Variants in ZNF285 observed in about 807,000 individuals in gnomAD.
The protein encoded by ZNF285 is zinc finger protein 285.
Under a neutral mutation model 6.2 loss-of-function variants are expected in ZNF285, and 4 were observed. That is an observed-to-expected ratio of 0.65 (90% CI 0.32 to 1.49). The LOEUF is 1.49. Ranked by LOEUF, ZNF285 falls within the 40% of genes most tolerant of loss-of-function variation. ZNF285 has a pLI of 0.07. For synonymous variants in ZNF285, 240 were observed against 245.8 expected (o/e 0.98, Z 0.22); for missense variants, 695 against 708.8 (o/e 0.98, Z 0.22).
At position 44,387,125 on chromosome 19, in the gene ZNF285, A is replaced by T. The variant is rs145353994; in HGVS notation, c.1120T>A (p.Cys374Ser). 45 of 1,613,902 alleles carry T rather than the reference A, an allele frequency of 2.8e-5. No individual in the cohort carries two copies. Among genetic ancestry groups the T allele is most frequent in the African/African-American group, 1.3e-4 (10 of 74,864 alleles). ...TCAAAGCCCTTCCCACACTCTTCAC[A>T]TTTATAGGGCTTTTTCCCTGTGTGT... ...GVHTGKKPYK[C>S]EECGKGFDQS... The change falls in exon 4 of 4, where the codon TGT becomes AGT. Residue 374 changes from cysteine to serine, a missense_variant. By Grantham distance (112) the Cys-to-Ser change is moderately radical. Transcript: ENST00000614994.
chr19:44,392,270 G>A, intron 3 of ZNF285, 70 bp downstream of exon 3: 1 of 1,601,110 alleles, frequency 6.2e-7, no homozygotes, highest in South Asian at 1.1e-5. Context: ...GGTCTAACTG[G>A]AATATTCTAT....
intron 2 of ZNF285, chr19:44,392,754 G>A (rs1971219312): frequency 3.7e-6 from 2 of 542,594 alleles, no homozygotes; most frequent in Non-Finnish European, 6.7e-6. Context: ...TAATCCTATT[G>A]GATCAGGGAT....
intron 3 of ZNF285, among the ~76,000 whole-genome samples, chr19:44,391,906 C>G (rs1012704451): frequency 6.6e-6 from 1 of 152,134 alleles, no homozygotes; most frequent in Non-Finnish European, 1.5e-5. Context: ...TAACTGCCAA[C>G]CAAACCAAAG....
intron 2 of ZNF285, chr19:44,396,895 A>G (rs1599969836): frequency 2.6e-6 from 1 of 377,988 alleles, no homozygotes; most frequent in South Asian, 4.7e-5. Context: ...AATTTCTGTA[A>G]GTTTCTGAAC....
intron 1 of ZNF285, 63 bp from the exon 2 acceptor site, chr19:44,397,319 C>T (rs1276007055): frequency 7.1e-6 from 11 of 1,552,384 alleles, no homozygotes; most frequent in Admixed American, 3.4e-5. Context: ...ACATTGGTTC[C>T]TTCCTTATCT....
chr19:44,387,606 CAA>C lies in ZNF285; in HGVS notation c.637_638del (p.Leu213GlyfsTer7). ...GTTTTTCAACCGTTGATTTCATACC[CAA>C]GTTTTTCCCACAGCTGGGATGTCTA... ...PGRHPSCGKN[L>X]GMKSTVEKRN... On this transcript the variant is annotated frameshift_variant, in exon 4 of 4. Transcript: ENST00000614994. LOFTEE classifies it low-confidence loss of function (END_TRUNC). The C allele has an allele frequency of 6.2e-7, 1 of 1,613,848 alleles. No individual in the cohort carries two copies. Among genetic ancestry groups the C allele is most frequent in the Non-Finnish European group, 8.5e-7 (1 of 1,179,850 alleles).
Position 44,386,541 on chromosome 19 carries a change from G to A in ZNF285, c.1704C>T (p.Tyr568=), listed in dbSNP as rs1971074844. The part of the protein sequence containing the change: ...HQRVHIDETQ[Y]THCERGKDLL... ...GGTCCTTTCCACGCTCACAGTGTGT[G>A]TACTGTGTCTCATCTATATGCACTC... Residue 568 remains tyrosine (Y), a synonymous_variant, in exon 4 of 4, where the codon TAC becomes TAT. Coordinates refer to ENST00000614994, the MANE Select transcript of ZNF285 (RefSeq NM_152354.6). The A allele has an allele frequency of 1.9e-6, 3 of 1,614,054 alleles. No individual in the cohort carries two copies. The highest frequency in any genetic ancestry group is 1.6e-4 in the Middle Eastern group (1 of 6,062).
chr19:44,396,748 A>C (rs1971286230), intron 2 of ZNF285: 3 of 161,020 alleles, frequency 1.9e-5, no homozygotes, highest in Admixed American at 1.8e-4. Context: ...TATATCTCTT[A>C]CTGGTTCTGC....
Position 44,386,834 on chromosome 19 carries a change from GA to G in ZNF285, c.1410del (p.Leu471PhefsTer93). 6.2e-7 allele frequency: 1 copy of G among 1,614,224 alleles called. No homozygotes were observed. The highest frequency in any genetic ancestry group is 2.2e-5 in the East Asian group (1 of 44,886). ...VCGKDFAYSS[V>X]LHTHQRVHTG... is the part of the protein sequence containing the mutation. Reference sequence around the variant, plus strand: ...GTGTGAACTCTCTGATGAGTGTGAAGAACAGAGCTATACGCAAAATCCTTTC... The same window carrying G: ...GTGTGAACTCTCTGATGAGTGTGAAGACAGAGCTATACGCAAAATCCTTTC... On this transcript the variant is annotated frameshift_variant, in exon 4 of 4. Transcript: ENST00000614994. LOFTEE classifies it low-confidence loss of function (END_TRUNC).
chr19:44,399,633 T>G (rs183118769), intron 1 of ZNF285, among the ~76,000 whole-genome samples: 1 of 152,052 alleles, frequency 6.6e-6, no homozygotes. Flanking sequence ...TCCACACACA[T>G]GCACTCACAC....
In ZNF285 at chr19:44,387,835, G is replaced by A. The variant is rs751036226; in HGVS notation, c.410C>T (p.Ala137Val). ...NAIIKNQDITAWQSLTQVLTP... is the reference protein window; with the variant it reads ...NAIIKNQDITVWQSLTQVLTP... Reference sequence around the variant, plus strand: ...AAGAACCTGTGTCAGGCTTTGCCATGCTGTGATATCTTGATTTTTGATAAT... The same window carrying A: ...AAGAACCTGTGTCAGGCTTTGCCATACTGTGATATCTTGATTTTTGATAAT... Residue 137 changes from alanine to valine, a missense_variant, in exon 4 of 4, where the codon GCA becomes GTA. Physicochemically the swap from Ala to Val is moderately conservative, Grantham distance 64. Coordinates refer to ENST00000614994, the MANE Select transcript of ZNF285 (RefSeq NM_152354.6). The A allele has an allele frequency of 5.9e-5, 95 of 1,613,922 alleles. 1 individual carries two copies. In the Middle Eastern group the frequency reaches 3.8e-3, roughly 65 times the overall value.
Position 44,388,105 on chromosome 19 carries a change from A to G in ZNF285, c.143-3T>C. On this transcript the variant is annotated splice_region_variant and splice_polypyrimidine_tract_variant and intron_variant, in intron 3 of 3. Coordinates refer to ENST00000614994, the MANE Select transcript of ZNF285 (RefSeq NM_152354.6). ...AATGTTGTTTTTAATCCCGTCTCCT[A>G]GGAGAAGAAAGAGAATTTGGCTAAG... is the stretch of plus-strand genomic sequence containing the variant. The G allele has an allele frequency of 6.2e-7, 1 of 1,607,036 alleles. No individual in the cohort carries two copies. Among genetic ancestry groups the G allele is most frequent in the Non-Finnish European group, 8.5e-7 (1 of 1,176,626 alleles).
intron 1 of ZNF285, among the ~76,000 whole-genome samples, chr19:44,400,936 G>A (rs1177796112): frequency 1.3e-5 from 2 of 152,040 alleles, no homozygotes; most frequent in African/African-American, 2.4e-5. Flanking sequence ...AGTTATTACA[G>A]TATTACAGTC....
At chr19:44,391,283 G>A (rs1187999116) in intron 3 of ZNF285, among the ~76,000 whole-genome samples, 7 of 151,968 alleles carry the variant, frequency 4.6e-5, no homozygotes, top group East Asian at 1.9e-4. Flanking sequence ...TCCAGTACAC[G>A]TCTATCTTTT....
At position 44,386,641 on chromosome 19, in the gene ZNF285, G is replaced by A; in HGVS notation, c.1604C>T (p.Thr535Ile). 2 of 1,614,134 alleles carry A rather than the reference G, an allele frequency of 1.2e-6. No individual in the cohort carries two copies. The highest frequency in any genetic ancestry group is 1.1e-5 in the South Asian group (1 of 91,082). The stretch of plus-strand genomic sequence containing the variant: ...CTTACACTTATAGGGCCTCTCTCCT[G>A]TGTGGACTCTGAGGTGAACATTAAG... ...SDLNVHLRVH[T>I]GERPYKCKAC... Residue 535 changes from threonine (T) to isoleucine (I), a missense_variant, in exon 4 of 4, where the codon ACA (threonine) becomes ATA (isoleucine). Thr to Ile is a moderately conservative substitution (Grantham distance 89, BLOSUM62 -1). Transcript: ENST00000614994.
chr19:44,395,524 AAT>A (rs1008582327), intron 2 of ZNF285, among the ~76,000 whole-genome samples: 3 of 152,186 alleles, frequency 2.0e-5, no homozygotes, highest in African/African-American at 7.2e-5. Context: ...ACTGTTAAAA[AAT>A]TTTTTGAGAT....
At chr19:44,390,747 A>T (rs189030056) in intron 3 of ZNF285, among the ~76,000 whole-genome samples, 102 of 151,844 alleles carry the variant, frequency 6.7e-4, no homozygotes, top group Middle Eastern at 6.8e-3. Context: ...AACTCCCAAA[A>T]TTCCCATGTG....
intron 3 of ZNF285, among the ~76,000 whole-genome samples, chr19:44,391,259 C>T (rs545561559): frequency 3.9e-5 from 6 of 152,070 alleles, no homozygotes; most frequent in East Asian, 1.9e-4. Context: ...TCCCCAGGCA[C>T]GTGGAACTGT....
chr19:44,389,129 G>A (rs1971150074), intron 3 of ZNF285, among the ~76,000 whole-genome samples: 1 of 151,424 alleles, frequency 6.6e-6, no homozygotes, highest in South Asian at 2.1e-4. Context: ...GCCCTTTTAA[G>A]TTGTTGCAGA....
Sources: allele counts gnomAD v4.1 joint callset (sites outside exome capture counted in the v4.1 genomes callset), GRCh38; gene constraint gnomAD v4.1.1; transcripts MANE v1.5; gene names NCBI Gene and HGNC (gene_info 2026-07-23, HGNC 2026-07-21).